The following B3GALT1 variants were observed in gnomAD, a reference collection of about 807,000 sequenced individuals.
B3GALT1 encodes the protein beta-1,3-galactosyltransferase 1, also known as UDP-Gal:betaGlcNAc beta 1,3-galactosyltransferase, polypeptide 1.
A neutral mutation model predicts 23.2 loss-of-function variants in B3GALT1; 10 were observed. The observed-to-expected ratio is 0.43, with a 90% CI of 0.27 to 0.73. The LOEUF is 0.73. Ranked by LOEUF, B3GALT1 falls within the 30% of genes least tolerant of loss-of-function variation. B3GALT1 has a pLI of 0.21. For synonymous variants in B3GALT1, 156 were observed against 141.5 expected (o/e 1.10, Z -0.73); for missense variants, 299 against 405.4 (o/e 0.74, Z 2.25).
chr2:167,406,751 A>G (rs968108489), intron 1 of B3GALT1, among the ~76,000 whole-genome samples: 1 of 152,196 alleles, frequency 6.6e-6, no homozygotes, highest in African/African-American at 2.4e-5. Flanking sequence ...CAAAGGAGAC[A>G]CCAAATCAGA....
intron 3 of B3GALT1, among the ~76,000 whole-genome samples, chr2:167,719,056 A>G (rs1687193069): frequency 6.6e-6 from 1 of 152,244 alleles, no homozygotes; most frequent in South Asian, 2.1e-4. Context: ...TGATAGATTT[A>G]TTATCAATAC....
chr2:167,804,511 T>A (rs9287888), intron 3 of B3GALT1, among the ~76,000 whole-genome samples: 18,676 of 151,816 alleles, frequency 0.12, 2,591 homozygotes, highest in African/African-American at 0.31. Context: ...CAGTGTGTGA[T>A]GTTCCCCTTC....
chr2:167,472,375 A>G (rs892781642), intron 1 of B3GALT1, among the ~76,000 whole-genome samples: 3 of 152,112 alleles, frequency 2.0e-5, no homozygotes, highest in Non-Finnish European at 4.4e-5. Context: ...GTGGCCCCCA[A>G]GTGTATTAGA....
chr2:167,782,126 A>T (rs971257), intron 3 of B3GALT1, among the ~76,000 whole-genome samples: 80,564 of 151,982 alleles, frequency 0.53, 21,930 homozygotes, highest in East Asian at 0.77. Context: ...CTGACAGCTA[A>T]AACTACAATA....
intron 2 of B3GALT1, among the ~76,000 whole-genome samples, chr2:167,517,324 C>G (rs910734211): frequency 4.0e-5 from 6 of 151,710 alleles, no homozygotes; most frequent in Non-Finnish European, 5.9e-5. Flanking sequence ...AAGTACAAAA[C>G]AAGCTTTTGT....
chr2:167,531,970 A>G lies in B3GALT1; in HGVS notation c.-410+41693A>G, dbSNP rs969620370. Among the ~76,000 whole-genome samples the G allele has an allele frequency of 3.3e-5, 5 of 152,104 alleles. No individual in the cohort carries two copies. The South Asian group carries it at 1.0e-3, about 31-fold the overall frequency. On this transcript the variant is annotated intron_variant, in intron 2 of 4. Coordinates refer to ENST00000392690, the MANE Select transcript of B3GALT1 (RefSeq NM_020981.4). ...GAATTTGGGGTCAAGTGTTCTGAAAACTTGCCTTTTTATTAGTAGTGGTTG... is the reference window on the plus strand; with the variant it reads ...GAATTTGGGGTCAAGTGTTCTGAAAGCTTGCCTTTTTATTAGTAGTGGTTG...
chr2:167,568,664 C>G (rs1022118305), intron 2 of B3GALT1, among the ~76,000 whole-genome samples: 2 of 151,984 alleles, frequency 1.3e-5, no homozygotes, highest in Non-Finnish European at 2.9e-5. Flanking sequence ...AATATTTTCT[C>G]CCAGTCTGTG....
In B3GALT1 at chr2:167,759,003, G is replaced by C. The variant is rs376789514; in HGVS notation, c.-351-59669G>C. On this transcript the variant is annotated intron_variant, in intron 3 of 4. Coordinates refer to ENST00000392690, the MANE Select transcript of B3GALT1 (RefSeq NM_020981.4). ...GATAAGCTCTCCAAAAATGTTTTCT[G>C]GATGGCCAACTGGTGTTGGGGGCTG... 4.4e-3 allele frequency among the ~76,000 whole-genome samples: 667 copies of C among 152,308 alleles called. 6 individuals carry two copies. Among genetic ancestry groups the C allele is most frequent in the Middle Eastern group, 0.024 (7 of 294 alleles).
chr2:167,617,094 A>C (rs1438989005), intron 2 of B3GALT1, among the ~76,000 whole-genome samples: 1 of 152,106 alleles, frequency 6.6e-6, no homozygotes, highest in Non-Finnish European at 1.5e-5. Context: ...ATCATTAAGC[A>C]CACAGGAACT....
At chr2:167,682,448 G>A (rs1364899546) in intron 3 of B3GALT1, among the ~76,000 whole-genome samples, 1 of 152,106 alleles carries the variant, frequency 6.6e-6, no homozygotes, top group African/African-American at 2.4e-5. Flanking sequence ...GCCCTCTTCT[G>A]CACAGCTAAC....
At chr2:167,344,740 C>G (rs10200054) in intron 1 of B3GALT1, among the ~76,000 whole-genome samples, 2,031 of 152,202 alleles carry the variant, frequency 0.013, 29 homozygotes, top group Admixed American at 0.035. Context: ...CAAATAAACA[C>G]AAAAGTTTAC....
chr2:167,746,509 A>G (rs1185330627), intron 3 of B3GALT1, among the ~76,000 whole-genome samples: 2 of 152,204 alleles, frequency 1.3e-5, no homozygotes, highest in Non-Finnish European at 2.9e-5. Context: ...TGTTTTCTAA[A>G]AAAGTCATAA....
intron 1 of B3GALT1, among the ~76,000 whole-genome samples, chr2:167,470,640 T>C (rs924204786): frequency 1.3e-5 from 2 of 152,118 alleles, no homozygotes; most frequent in Non-Finnish European, 2.9e-5. Flanking sequence ...TGGTTATGAT[T>C]TGAGATTGTC....
At chr2:167,667,362 T>C (rs1192289447) in intron 3 of B3GALT1, among the ~76,000 whole-genome samples, 2 of 152,180 alleles carry the variant, frequency 1.3e-5, no homozygotes, top group Non-Finnish European at 2.9e-5. Flanking sequence ...AACCCGACCT[T>C]TCTCTCTGGC....
chr2:167,539,760 G>T (rs536503175), intron 2 of B3GALT1, among the ~76,000 whole-genome samples: 1 of 152,016 alleles, frequency 6.6e-6, no homozygotes, highest in East Asian at 1.9e-4. Flanking sequence ...ATAAGGTGAA[G>T]ATAATATAAT....
At chr2:167,829,903 G>C (rs369758798) in intron 4 of B3GALT1, among the ~76,000 whole-genome samples, 1 of 152,324 alleles carries the variant, frequency 6.6e-6, no homozygotes, top group African/African-American at 2.4e-5. Context: ...TGGAGTGGTG[G>C]TCCTTCTGAG....
At chr2:167,539,016 G>T (rs568636621) in intron 2 of B3GALT1, among the ~76,000 whole-genome samples, 1 of 151,964 alleles carries the variant, frequency 6.6e-6, no homozygotes, top group African/African-American at 2.4e-5. Flanking sequence ...TGAAACATCC[G>T]ATTATACTTA....
chr2:167,740,321 A>C (rs1214307709), intron 3 of B3GALT1, among the ~76,000 whole-genome samples: 1 of 152,052 alleles, frequency 6.6e-6, no homozygotes, highest in Non-Finnish European at 1.5e-5. Context: ...TTAATTTGTA[A>C]ATACAGAATT....
rs4575691 is a variant in B3GALT1 at position 167,445,818 on chromosome 2, A to G, written c.-510-44359A>G. On this transcript the variant is annotated intron_variant, in intron 1 of 4. Transcript: ENST00000392690. The stretch of plus-strand genomic sequence containing the variant: ...CTGATGGGTCTTGACTCTTTATCCA[A>G]TTTGCCAGTGTGTGTCTTTTAATTG... Among the ~76,000 whole-genome samples the G allele has an allele frequency of 4.3e-3, 660 of 152,188 alleles. 8 individuals carry two copies. The highest frequency in any genetic ancestry group is 0.014 in the African/African-American group (601 of 41,508).
Sources: gnomAD v4.1 joint callset for allele counts (sites outside exome capture counted in the v4.1 genomes callset) on GRCh38, gnomAD v4.1.1 for gene constraint, MANE v1.5 for transcripts, NCBI Gene and HGNC (gene_info 2026-07-23, HGNC 2026-07-21) for gene names.